Variants in FOXP2 observed in about 807,000 individuals in gnomAD.
FOXP2 encodes the protein forkhead box protein P2.
Under a neutral mutation model 115.8 loss-of-function variants are expected in FOXP2, and 12 were observed. The observed-to-expected ratio is 0.10, with a 90% CI of 0.07 to 0.17. The LOEUF (loss-of-function observed/expected upper bound fraction) is 0.17. Among genes scored for constraint, FOXP2 ranks in the 10% least tolerant of loss-of-function variants. FOXP2 has a pLI of 1.00. For synonymous variants in FOXP2, 328 were observed against 297.7 expected, an observed-to-expected ratio of 1.10 and a Z score of -1.05; for missense variants, 629 against 843.5, an observed-to-expected ratio of 0.75 and a Z score of 3.15.
At chr7:114,312,250 T>C (rs988706474) in intron 2 of FOXP2, among the ~76,000 whole-genome samples, 1 of 152,204 alleles carries the variant, frequency 6.6e-6, no homozygotes, top group African/African-American at 2.4e-5. Context: ...GTTGCTGGAC[T>C]TGCTGTCCTA....
chr7:114,410,615 T>C (rs984280627), upstream of FOXP2, among the ~76,000 whole-genome samples: 1 of 152,142 alleles, frequency 6.6e-6, no homozygotes, highest in Admixed American at 6.6e-5. Context: ...TCTTCTATTG[T>C]CTACCATAAA....
chr7:114,190,046 A>G (rs536894074), intron 1 of FOXP2, among the ~76,000 whole-genome samples: 43 of 152,318 alleles, frequency 2.8e-4, no homozygotes, highest in African/African-American at 1.0e-3. Context: ...TTATTTACTT[A>G]TCTTAGGACC....
At chr7:114,494,970 G>A (rs1044335725) in intron 2 of FOXP2, among the ~76,000 whole-genome samples, 5 of 152,074 alleles carry the variant, frequency 3.3e-5, no homozygotes, top group African/African-American at 1.2e-4. Flanking sequence ...ATGACAGGTG[G>A]CATGGTTTTA....
chr7:114,386,479 CAT>C lies in FOXP2; in HGVS notation c.-10-40021_-10-40020del, dbSNP rs1792457025. On this transcript the variant is annotated intron_variant, in intron 2 of 17. Transcript: ENST00000634411. The stretch of plus-strand genomic sequence containing the variant: ...AAAACAGATTCAGGCTACCCTGGAT[CAT>C]AGAAGTCCTATAAACTACTTCAGAG... Among the ~76,000 whole-genome samples, 3 of 152,214 alleles carry C rather than the reference CAT, an allele frequency of 2.0e-5. 1 individual carries two copies. In the South Asian group the frequency reaches 6.2e-4, roughly 31 times the overall value.
chr7:114,198,469 T>C (rs1280713255), intron 1 of FOXP2, among the ~76,000 whole-genome samples: 1 of 152,180 alleles, frequency 6.6e-6, no homozygotes, highest in Non-Finnish European at 1.5e-5. Context: ...TGAAACTTGG[T>C]TCCATCTGAG....
At chr7:114,465,736 A>G (rs1795771971) in intron 2 of FOXP2, among the ~76,000 whole-genome samples, 1 of 152,194 alleles carries the variant, frequency 6.6e-6, no homozygotes, top group Non-Finnish European at 1.5e-5. Context: ...AGCCTTGAAG[A>G]TGATTAGCAC....
intron 1 of FOXP2, among the ~76,000 whole-genome samples, chr7:114,418,405 G>A (rs972550414): frequency 2.0e-5 from 3 of 151,948 alleles, no homozygotes; most frequent in East Asian, 1.9e-4. Context: ...GTATTACTTC[G>A]GCAAGATTCT....
At chr7:114,321,202 TATTTA>T (rs1173087544) in intron 2 of FOXP2, among the ~76,000 whole-genome samples, 1 of 150,892 alleles carries the variant, frequency 6.6e-6, no homozygotes, top group Non-Finnish European at 1.5e-5. Flanking sequence ...TTTATTTATT[TATTTA>T]TTTATTTATG....
intron 6 of FOXP2, among the ~76,000 whole-genome samples, chr7:114,637,064 TC>T (rs1253121051): frequency 1.3e-5 from 2 of 152,034 alleles, no homozygotes; most frequent in East Asian, 3.9e-4. Flanking sequence ...GTCGGTCACA[TC>T]CCAGCTACTT....
intron 2 of FOXP2, among the ~76,000 whole-genome samples, chr7:114,467,779 A>G (rs1051494680): frequency 3.9e-5 from 6 of 152,216 alleles, no homozygotes. Flanking sequence ...TAATATTGTC[A>G]TTTTTGAAAA....
intron 2 of FOXP2, among the ~76,000 whole-genome samples, chr7:114,435,834 C>T (rs192799819): frequency 4.8e-4 from 73 of 152,226 alleles, no homozygotes; most frequent in South Asian, 1.9e-3. Flanking sequence ...CCATTGTGCC[C>T]GGCTGTCAGA....
chr7:114,546,396 A>C (rs1225189400), intron 3 of FOXP2, among the ~76,000 whole-genome samples: 1 of 152,242 alleles, frequency 6.6e-6, no homozygotes, highest in East Asian at 1.9e-4. Context: ...CATACACCTG[A>C]TACATTACAA....
intron 16 of FOXP2, among the ~76,000 whole-genome samples, chr7:114,684,613 T>C (rs776392104): frequency 3.9e-5 from 6 of 152,240 alleles, no homozygotes; most frequent in Non-Finnish European, 8.8e-5. Flanking sequence ...GCTATTATAT[T>C]AACCTTAGGA....
At chr7:114,508,611 A>AC (rs1294725440) in intron 2 of FOXP2, among the ~76,000 whole-genome samples, 1 of 151,782 alleles carries the variant, frequency 6.6e-6, no homozygotes, top group Non-Finnish European at 1.5e-5. Flanking sequence ...GAGCTTTAAG[A>AC]CCCCATCCTC....
intron 3 of FOXP2, among the ~76,000 whole-genome samples, chr7:114,566,449 A>G (rs1405389893): frequency 1.3e-5 from 2 of 152,012 alleles, no homozygotes; most frequent in East Asian, 3.9e-4. Context: ...TCACTCTACT[A>G]GTTCCCACAG....
At chr7:114,451,646 A>G (rs551560080) in intron 2 of FOXP2, among the ~76,000 whole-genome samples, 1 of 152,142 alleles carries the variant, frequency 6.6e-6, no homozygotes, top group South Asian at 2.1e-4. Flanking sequence ...TGAGCTTACA[A>G]CTCAGTGATG....
At chr7:114,211,979 A>G (rs1440814562) in intron 1 of FOXP2, among the ~76,000 whole-genome samples, 1 of 152,048 alleles carries the variant, frequency 6.6e-6, no homozygotes, top group Non-Finnish European at 1.5e-5. Flanking sequence ...AGGCTGAGGC[A>G]GGAGAATCAC....
chr7:114,296,012 A>G (rs536846048), intron 2 of FOXP2, among the ~76,000 whole-genome samples: 1 of 152,362 alleles, frequency 6.6e-6, no homozygotes, highest in East Asian at 1.9e-4. Context: ...TCTGAAATCA[A>G]ATGGAATAAT....
At chr7:114,653,402 CAGA>C in intron 9 of FOXP2, 30 of 162,626 alleles carry the variant, frequency 1.8e-4, no homozygotes, top group South Asian at 1.4e-3. Flanking sequence ...GACTCCGTGG[CAGA>C]GTTCAGCGTT....
Sources: gnomAD v4.1 joint callset for allele counts (sites outside exome capture counted in the v4.1 genomes callset) on GRCh38, gnomAD v4.1.1 for gene constraint, MANE v1.5 for transcripts, NCBI Gene and HGNC (gene_info 2026-07-23, HGNC 2026-07-21) for gene names.